The following VWA2 variants were observed in gnomAD, a reference collection of about 807,000 sequenced individuals.
VWA2 encodes the protein von Willebrand factor A domain containing 2, also known as von Willebrand factor A domain-containing protein 2.
A neutral mutation model predicts 70.4 loss-of-function variants in VWA2; 73 were observed. The observed-to-expected ratio is 1.04, with a 90% CI of 0.86 to 1.26. The LOEUF (loss-of-function observed/expected upper bound fraction) is 1.26. Among genes scored for constraint, VWA2 ranks in the 50% most tolerant of loss-of-function variants. The pLI is 0.00. For synonymous variants in VWA2, 407 were observed against 423.3 expected (o/e 0.96, Z 0.47); for missense variants, 1,011 against 998.5 (o/e 1.01, Z -0.17).
intron 5 of VWA2, among the ~76,000 whole-genome samples, chr10:114,267,996 G>T (rs980892673): frequency 4.6e-5 from 7 of 152,034 alleles, no homozygotes; most frequent in Admixed American, 4.6e-4. Context: ...GCTGCTGTGG[G>T]TTCATTTTGG....
intron 8 of VWA2, among the ~76,000 whole-genome samples, chr10:114,281,964 G>A (rs942402488): frequency 3.9e-5 from 6 of 151,958 alleles, no homozygotes; most frequent in Non-Finnish European, 7.4e-5. Context: ...TACAGTTTGG[G>A]GTTTTGCATG....
In VWA2 at chr10:114,248,713, C is replaced by G; in HGVS notation, c.-1C>G. 1 of 1,613,360 alleles carries G rather than the reference C, an allele frequency of 6.2e-7. No homozygotes were observed. The highest frequency in any genetic ancestry group is 8.5e-7 in the Non-Finnish European group (1 of 1,179,336). On this transcript the variant is annotated 5_prime_UTR_variant, in exon 2 of 14. Transcript: ENST00000392982. The stretch of plus-strand genomic sequence containing the variant: ...TCCTGTGTCCCTGTAGTTATATCAA[C>G]ATGCCCCCTTTCCTGTTGCTGGAAG...
Position 114,278,195 on chromosome 10 carries a change from G to A in VWA2, c.700+148G>A, listed in dbSNP as rs2037896896. On this transcript the variant is annotated intron_variant, in intron 7 of 13. Transcript: ENST00000392982. ...CGGCAGCCTCCACCCTGGATGCTCT[G>A]CGTCTCCCTGTGCCCTGCCCTGTGG... 6 of 1,182,066 alleles carry A rather than the reference G, an allele frequency of 5.1e-6. No individual in the cohort carries two copies. In the Admixed American group the frequency reaches 8.1e-5, roughly 16 times the overall value. The allele number at this position is 1,182,066 out of a possible 1,614,324, so 73.2% of individuals were successfully genotyped here.
intron 2 of VWA2, among the ~76,000 whole-genome samples, chr10:114,249,538 G>A (rs560230315): frequency 2.6e-5 from 4 of 152,330 alleles, no homozygotes; most frequent in Admixed American, 2.0e-4. Context: ...TTACAGGCAT[G>A]AGCCACTGCG....
chr10:114,268,368 C>T (rs969397435), intron 5 of VWA2, among the ~76,000 whole-genome samples: 3 of 151,918 alleles, frequency 2.0e-5, no homozygotes, highest in African/African-American at 7.3e-5. Flanking sequence ...TGGTGAGACT[C>T]TGGCCTCAGA....
At chr10:114,283,576 C>T (rs1356088311) in intron 9 of VWA2, among the ~76,000 whole-genome samples, 1 of 152,210 alleles carries the variant, frequency 6.6e-6, no homozygotes, top group African/African-American at 2.4e-5. Flanking sequence ...AAATGGCTTT[C>T]AGTCCCAGCT....
At position 114,291,203 on chromosome 10, in the gene VWA2, C is replaced by A; in HGVS notation, c.2249-15C>A. 1 of 1,550,516 alleles carries A rather than the reference C, an allele frequency of 6.4e-7. No individual in the cohort carries two copies. Among genetic ancestry groups the A allele is most frequent in the Non-Finnish European group, 8.7e-7 (1 of 1,146,912 alleles). ...TGCAGACACTCCTGTCCTCAGACTT[C>A]ACTTCCTTCCCCAGGATTCTTGAGA... On this transcript the variant is annotated splice_polypyrimidine_tract_variant and intron_variant, in intron 13 of 13. Transcript: ENST00000392982.
chr10:114,239,729 G>T (rs374190978), intron 1 of VWA2, among the ~76,000 whole-genome samples, 160 bp downstream of exon 1: 1 of 152,212 alleles, frequency 6.6e-6, no homozygotes, highest in Non-Finnish European at 1.5e-5. Context: ...GGCTTTGTTC[G>T]CATTGTCTGC....
At position 114,286,294 on chromosome 10, in the gene VWA2, G is replaced by T; in HGVS notation, c.1353G>T (p.Leu451Phe). Residue 451 changes from leucine to phenylalanine, a missense_variant, in exon 11 of 14, where the codon TTG (leucine) becomes TTT (phenylalanine). Coordinates refer to ENST00000392982, the MANE Select transcript of VWA2 (RefSeq NM_001272046.2). ...ACCGGCCACGTAGAGTGGTGGTTTT[G>T]CTCACTGAGTCACACTCCGAGGATG... ...GQDRPRRVVVLLTESHSEDEV... is the reference protein window; with the variant it reads ...GQDRPRRVVVFLTESHSEDEV... 4 of 1,610,160 alleles carry T rather than the reference G, an allele frequency of 2.5e-6. No homozygotes were observed. Among genetic ancestry groups the T allele is most frequent in the Non-Finnish European group, 3.4e-6 (4 of 1,177,320 alleles).
chr10:114,286,025 G>A lies in VWA2; in HGVS notation c.1084G>A (p.Ala362Thr). 5 of 1,614,128 alleles carry A rather than the reference G, an allele frequency of 3.1e-6. No individual in the cohort carries two copies. The highest frequency in any genetic ancestry group is 4.2e-6 in the Non-Finnish European group (5 of 1,180,020). Residue 362 changes from alanine to threonine, a missense_variant, in exon 11 of 14, where the codon GCC (alanine) becomes ACC (threonine). Transcript: ENST00000392982. ...AGTTLDGFLRAKVFVKRFVRA... is the reference protein window; with the variant it reads ...AGTTLDGFLRTKVFVKRFVRA... The stretch of plus-strand genomic sequence containing the variant: ...CACCACTCTGGACGGCTTCCTGCGG[G>A]CCAAAGTCTTCGTGAAGCGGTTTGT...
intron 1 of VWA2, among the ~76,000 whole-genome samples, chr10:114,245,704 T>C (rs1394467755): frequency 1.3e-5 from 2 of 152,166 alleles, no homozygotes; most frequent in Non-Finnish European, 2.9e-5. Context: ...CCAGTATCCT[T>C]CTCACCACCT....
intron 2 of VWA2, among the ~76,000 whole-genome samples, chr10:114,251,182 G>A (rs2037188520): frequency 6.6e-6 from 1 of 152,268 alleles, no homozygotes; most frequent in Non-Finnish European, 1.5e-5. Context: ...CCTGCAGACT[G>A]AAGTTCCGGA....
intron 5 of VWA2, among the ~76,000 whole-genome samples, chr10:114,268,937 C>T (rs2037639692): frequency 6.6e-6 from 1 of 152,078 alleles, no homozygotes; most frequent in Non-Finnish European, 1.5e-5. Context: ...CCTTGTGAAA[C>T]GCCCGCCTCG....
chr10:114,291,072 C>T (rs2039546238), intron 13 of VWA2, 146 bp from the exon 14 acceptor site: 1 of 945,276 alleles, frequency 1.1e-6, no homozygotes, highest in South Asian at 1.4e-5. Context: ...AGGATAATCA[C>T]ATGGGGTCTC....
intron 1 of VWA2, among the ~76,000 whole-genome samples, chr10:114,246,935 T>A (rs1415489387): frequency 6.6e-6 from 1 of 152,150 alleles, no homozygotes; most frequent in Non-Finnish European, 1.5e-5. Context: ...CCACAAGAAT[T>A]GTGCTACTTA....
intron 6 of VWA2, among the ~76,000 whole-genome samples, chr10:114,276,085 C>T (rs1021928319): frequency 4.6e-5 from 7 of 152,192 alleles, no homozygotes; most frequent in Admixed American, 2.0e-4. Context: ...TCTGCACCAG[C>T]GTTTAATGCT....
chr10:114,285,023 G>A (rs778613693), intron 10 of VWA2, 53 bp downstream of exon 10: 69 of 1,416,434 alleles, frequency 4.9e-5, no homozygotes, highest in Non-Finnish European at 6.2e-5. Flanking sequence ...AGAAGAGGAC[G>A]GGCTCCCCTT....
At chr10:114,253,342 C>T (rs74236194) in intron 2 of VWA2, among the ~76,000 whole-genome samples, 1,588 of 40,728 alleles carry the variant, frequency 0.039, 52 homozygotes, top group East Asian at 0.049. Flanking sequence ...CCCCCCTCCC[C>T]GCTTATTACA....
chr10:114,274,115 T>C (rs1386587540), intron 6 of VWA2, among the ~76,000 whole-genome samples: 1 of 152,016 alleles, frequency 6.6e-6, no homozygotes. Context: ...TGGCGAGTTA[T>C]AGGAAGGAAC....
Sources: gnomAD v4.1 joint callset for allele counts (sites outside exome capture counted in the v4.1 genomes callset) on GRCh38, gnomAD v4.1.1 for gene constraint, MANE v1.5 for transcripts, NCBI Gene and HGNC (gene_info 2026-07-23, HGNC 2026-07-21) for gene names.